GAB1: variants seen among roughly 807,000 people sequenced by gnomAD.
GAB1 encodes GRB2 associated binding protein 1, also known as GRB2-associated-binding protein 1.
Under a neutral mutation model 66.5 loss-of-function variants are expected in GAB1, and 19 were observed. That is an observed-to-expected ratio of 0.29 (90% CI 0.20 to 0.42). The LOEUF (loss-of-function observed/expected upper bound fraction) is 0.42, where lower values mean the gene tolerates loss of function less well. Ranked by LOEUF, GAB1 falls within the 10% of genes least tolerant of loss-of-function variation. GAB1 has a pLI of 1.00. For synonymous variants in GAB1, 294 were observed against 301.4 expected (o/e 0.98, Z 0.25); for missense variants, 732 against 858.5 (o/e 0.85, Z 1.84).
At position 143,468,940 on chromosome 4, in the gene GAB1, C is replaced by T. The variant is rs1439855418; in HGVS notation, c.1927-91C>T. ...CTCCTTCTCAAAAAAAAAAAGTATT[C>T]ACAGTGGATGTGTTTTGTGTTTTAA... On this transcript the variant is annotated intron_variant, in intron 9 of 9. Transcript: ENST00000262994. 4 of 1,329,766 alleles carry T rather than the reference C, an allele frequency of 3.0e-6. No individual in the cohort carries two copies. In the African/African-American group the frequency reaches 4.4e-5, roughly 15 times the overall value. 82.4% of individuals were successfully genotyped at this position (1,329,766 alleles called of 1,614,324 possible).
At chr4:143,446,684 C>G (rs967095517) in intron 6 of GAB1, among the ~76,000 whole-genome samples, 3 of 152,126 alleles carry the variant, frequency 2.0e-5, no homozygotes, top group Admixed American at 6.6e-5. Flanking sequence ...ATTGTAGATT[C>G]TGGATATTAG....
At chr4:143,383,774 G>C (rs756206495) in intron 1 of GAB1, among the ~76,000 whole-genome samples, 13 of 152,140 alleles carry the variant, frequency 8.5e-5, no homozygotes, top group Non-Finnish European at 1.6e-4. Context: ...TCTGGAAGAA[G>C]TTCAAGATAT....
intron 3 of GAB1, among the ~76,000 whole-genome samples, chr4:143,436,753 A>G (rs1733962104): frequency 2.0e-5 from 3 of 152,306 alleles, no homozygotes; most frequent in East Asian, 1.9e-4. Flanking sequence ...ATGGATTTCT[A>G]TTTGAGGCCC....
At chr4:143,462,268 A>G (rs977031397) in intron 8 of GAB1, among the ~76,000 whole-genome samples, 2 of 152,120 alleles carry the variant, frequency 1.3e-5, no homozygotes, top group African/African-American at 2.4e-5. Context: ...TTTCCTCAGT[A>G]TAGTAAGTTG....
rs1411015024 is a variant in GAB1 at position 143,474,471 on chromosome 4, G to A, written c.*5282G>A. 3 of 152,126 alleles carry A rather than the reference G, an allele frequency of 2.0e-5. No homozygotes were observed. Among genetic ancestry groups the A allele is most frequent in the Admixed American group, 6.6e-5 (1 of 15,254 alleles). 9.4% of individuals were successfully genotyped at this position (152,126 alleles called of 1,614,324 possible). On this transcript the variant is annotated 3_prime_UTR_variant, in exon 10 of 10. Transcript: ENST00000262994. The stretch of plus-strand genomic sequence containing the variant: ...TGAGGCTATGGCGCCCATGTGTTTG[G>A]TCAAACACTAGCCTAGATGTTGCTG...
At chr4:143,433,799 T>A (rs1733801784) in intron 3 of GAB1, 83 bp downstream of exon 3, 2 of 1,136,030 alleles carry the variant, frequency 1.8e-6, no homozygotes, top group Admixed American at 2.0e-5. Context: ...TTAAACTTTT[T>A]AAATTTCGAT....
chr4:143,378,755 C>T (rs1866757), intron 1 of GAB1, among the ~76,000 whole-genome samples: 3,129 of 150,982 alleles, frequency 0.021, 104 homozygotes, highest in African/African-American at 0.072. Flanking sequence ...TCAGGTTATA[C>T]GACAGAGCTC....
At chr4:143,454,791 C>A (rs1266097761) in intron 6 of GAB1, among the ~76,000 whole-genome samples, 2 of 152,166 alleles carry the variant, frequency 1.3e-5, no homozygotes, top group African/African-American at 2.4e-5. Flanking sequence ...ACACCTTTCT[C>A]ACATAATGGG....
chr4:143,394,629 C>G (rs890905637), intron 1 of GAB1, among the ~76,000 whole-genome samples: 17 of 152,122 alleles, frequency 1.1e-4, no homozygotes, highest in African/African-American at 3.9e-4. Flanking sequence ...GTTTCATCAT[C>G]ATCATCAAAC....
intron 1 of GAB1, among the ~76,000 whole-genome samples, chr4:143,359,926 A>G (rs1729598455): frequency 6.6e-6 from 1 of 152,242 alleles, no homozygotes; most frequent in South Asian, 2.1e-4. Flanking sequence ...TCAATTTGAC[A>G]GCAACCTGCC....
At chr4:143,419,454 T>C (rs919653238) in intron 2 of GAB1, among the ~76,000 whole-genome samples, 1 of 152,104 alleles carries the variant, frequency 6.6e-6, no homozygotes, top group Non-Finnish European at 1.5e-5. Flanking sequence ...GAGGTATATT[T>C]AGGTTGAGTG....
intron 2 of GAB1, among the ~76,000 whole-genome samples, chr4:143,430,409 C>T (rs1733592758): frequency 6.6e-6 from 1 of 151,976 alleles, no homozygotes; most frequent in South Asian, 2.1e-4. Flanking sequence ...TAAGATATAA[C>T]CTGAAGAAGA....
intron 8 of GAB1, among the ~76,000 whole-genome samples, chr4:143,463,048 A>G (rs1031793779): frequency 3.3e-5 from 5 of 152,218 alleles, no homozygotes; most frequent in African/African-American, 9.6e-5. Context: ...ACCAAGTACA[A>G]TAGAAAAGTC....
At chr4:143,462,193 T>C (rs1486872152) in intron 8 of GAB1, among the ~76,000 whole-genome samples, 1 of 152,234 alleles carries the variant, frequency 6.6e-6, no homozygotes. Flanking sequence ...TAGACACTTT[T>C]GCTTTTGTAT....
chr4:143,441,111 A>C (rs1340629749), intron 6 of GAB1, among the ~76,000 whole-genome samples: 1 of 152,086 alleles, frequency 6.6e-6, no homozygotes. Flanking sequence ...GCTGGCCTTC[A>C]TAAGTAACAT....
At position 143,466,190 on chromosome 4, in the gene GAB1, G is replaced by T; in HGVS notation, c.1891G>T (p.Asp631Tyr). 1 of 1,613,712 alleles carries T rather than the reference G, an allele frequency of 6.2e-7. No homozygotes were observed. Among genetic ancestry groups the T allele is most frequent in the South Asian group, 1.1e-5 (1 of 91,032 alleles). The change falls in exon 9 of 10, where the codon GAC (aspartate) becomes TAC (tyrosine). Residue 631 changes from aspartate to tyrosine, a missense_variant. Physicochemically the swap from Asp to Tyr is radical, Grantham distance 160. This residue lies in a region of GAB1 where 204 missense variants were observed against 276.8 expected (regional missense o/e 0.74). Coordinates refer to ENST00000262994, the MANE Select transcript of GAB1 (RefSeq NM_002039.4). ...CAAACAGGTGGAATACTTAGATCTC[G>T]ACTTAGATTCTGGGAAATCCACACC... Reference protein sequence around the residue: ...GDKQVEYLDLDLDSGKSTPPR... With the variant: ...GDKQVEYLDLYLDSGKSTPPR...
At chr4:143,422,933 C>A (rs997599692) in intron 2 of GAB1, among the ~76,000 whole-genome samples, 1 of 152,190 alleles carries the variant, frequency 6.6e-6, no homozygotes, top group Non-Finnish European at 1.5e-5. Flanking sequence ...ATGTTTAGTT[C>A]TTAGAAGCTT....
At chr4:143,388,688 T>G (rs1197832222) in intron 1 of GAB1, among the ~76,000 whole-genome samples, 1 of 152,164 alleles carries the variant, frequency 6.6e-6, no homozygotes, top group African/African-American at 2.4e-5. Context: ...GTTCTGGGAT[T>G]ATAGGCATGA....
At chr4:143,372,972 A>G (rs1730200630) in intron 1 of GAB1, among the ~76,000 whole-genome samples, 1 of 152,100 alleles carries the variant, frequency 6.6e-6, no homozygotes, top group South Asian at 2.1e-4. Flanking sequence ...GGTAATGCTT[A>G]TTAGACTATT....
Sources: allele counts gnomAD v4.1 joint callset (sites outside exome capture counted in the v4.1 genomes callset), GRCh38; gene constraint gnomAD v4.1.1; regional missense constraint gnomAD v4.1.1; transcripts MANE v1.5; gene names NCBI Gene and HGNC (gene_info 2026-07-23, HGNC 2026-07-21).